Variants in L1TD1 observed in about 807,000 individuals in gnomAD.
L1TD1 encodes the protein LINE1 type transposase domain containing 1.
In L1TD1, 26 loss-of-function variants were observed where a neutral mutation model predicts 25.7. The ratio of observed to expected loss-of-function variants is 1.01; its 90% CI spans 0.74 to 1.40. L1TD1 has a LOEUF of 1.40. Among genes scored for constraint, L1TD1 ranks in the 40% most tolerant of loss-of-function variants. L1TD1 has a pLI of 0.00. For missense variants in L1TD1, 1,130 were observed against 975.0 expected (o/e 1.16, Z -2.12); for synonymous variants, 421 against 335.6 (o/e 1.25, Z -2.78).
chr1:62,203,461 G>A (rs868716416), intron 2 of L1TD1, among the ~76,000 whole-genome samples: 3 of 151,690 alleles, frequency 2.0e-5, no homozygotes, highest in African/African-American at 4.8e-5. Context: ...TCACTCTGTC[G>A]CCCGGTACAG....
At position 62,206,802 on chromosome 1, in the gene L1TD1, A is replaced by C. The variant is rs1315672819; in HGVS notation, c.174A>C (p.Leu58Phe). ...CAATTATGAATAAGTTTAAGGTCTT[A>C]ATGGAAATTCAAGACCTGATGTTTG... is the stretch of plus-strand genomic sequence containing the variant. ...VSAIMNKFKV[L>F]MEIQDLMFEE... Residue 58 changes from leucine (L) to phenylalanine (F), a missense_variant, in exon 3 of 4, where the codon TTA (leucine) becomes TTC (phenylalanine). Transcript: ENST00000498273. The C allele has an allele frequency of 6.3e-7, 1 of 1,590,010 alleles. No individual in the cohort carries two copies. Among genetic ancestry groups the C allele is most frequent in the African/African-American group, 1.3e-5 (1 of 74,610 alleles).
rs1670823801 is a variant in L1TD1, at chr1:62,209,890, A to G, written c.1116A>G (p.Lys372=). ...EVKVAKPEEM[K]NLETQEEEFS... ...AAGTTGCTAAGCCAGAGGAGATGAAAAACTTAGAGACTCAAGAGGAAGAGT... is the reference window on the plus strand; with the variant it reads ...AAGTTGCTAAGCCAGAGGAGATGAAGAACTTAGAGACTCAAGAGGAAGAGT... The change falls in exon 4 of 4, where the codon AAA becomes AAG. Residue 372 remains lysine (K), a synonymous_variant. Transcript: ENST00000498273. 6.2e-7 allele frequency: 1 copy of G among 1,614,008 alleles called. No homozygotes were observed. Among genetic ancestry groups the G allele is most frequent in the African/African-American group, 1.3e-5 (1 of 74,918 alleles).
chr1:62,196,045 A>T (rs1476195936), intron 1 of L1TD1, among the ~76,000 whole-genome samples: 3 of 152,236 alleles, frequency 2.0e-5, no homozygotes, highest in Non-Finnish European at 4.4e-5. Flanking sequence ...TCAAAAAAAA[A>T]AAAAAGTGTT....
In L1TD1 at chr1:62,210,457, A is replaced by G; in HGVS notation, c.1683A>G (p.Ser561=). ...LTLCLASPSK[S]LEMSHDEHKK... is the part of the protein sequence containing the mutation. ...TATGTTTGGCCTCTCCCTCAAAGTC[A>G]CTAGAGATGAGTCATGATGAGCATA... The change falls in exon 4 of 4, where the codon TCA becomes TCG. Residue 561 remains serine, a synonymous_variant. Coordinates refer to ENST00000498273, the MANE Select transcript of L1TD1 (RefSeq NM_019079.5). 1.2e-6 allele frequency: 2 copies of G among 1,614,190 alleles called. No individual in the cohort carries two copies. Among genetic ancestry groups the G allele is most frequent in the Non-Finnish European group, 1.7e-6 (2 of 1,180,040 alleles).
intron 2 of L1TD1, among the ~76,000 whole-genome samples, chr1:62,197,397 TTATATATATATATATATATATATA>T (rs10528649): frequency 2.5e-5 from 2 of 80,858 alleles, no homozygotes; most frequent in African/African-American, 7.9e-5. Flanking sequence ...AAAAAATAAA[TTATATATATATATATATATATATA>T]TATATATATA....
chr1:62,199,677 C>T (rs1020419603), intron 2 of L1TD1, among the ~76,000 whole-genome samples: 12 of 151,314 alleles, frequency 7.9e-5, no homozygotes, highest in Non-Finnish European at 1.5e-5. Context: ...GACCCTGTCT[C>T]TTTTAAAAAA....
In L1TD1 at chr1:62,206,603, A is replaced by C; in HGVS notation, c.-26A>C. On this transcript the variant is annotated 5_prime_UTR_variant, in exon 3 of 4. Coordinates refer to ENST00000498273, the MANE Select transcript of L1TD1 (RefSeq NM_019079.5). The stretch of plus-strand genomic sequence containing the variant: ...ATCATTCTGTAGGAATTAAAAACAG[A>C]ATCCAGTCTTGACAACATATCCACA... 1 of 1,422,722 alleles carries C rather than the reference A, an allele frequency of 7.0e-7. No individual in the cohort carries two copies. Among genetic ancestry groups the C allele is most frequent in the South Asian group, 1.8e-5 (1 of 56,856 alleles). The allele number at this position is 1,422,722 out of a possible 1,614,324, so 88.1% of individuals were successfully genotyped here. A position where few individuals can be genotyped will look rare whatever the true frequency, so the allele number is the denominator to read the frequency against.
chr1:62,199,555 G>C (rs1039989254), intron 2 of L1TD1, among the ~76,000 whole-genome samples: 1 of 150,904 alleles, frequency 6.6e-6, no homozygotes, highest in East Asian at 1.9e-4. Flanking sequence ...AAATCCCACC[G>C]TGCCCGGCTG....
chr1:62,210,859 G>A lies in L1TD1; in HGVS notation c.2085G>A (p.Glu695=). 1.3e-6 allele frequency: 2 copies of A among 1,551,162 alleles called. No homozygotes were observed. Among genetic ancestry groups the A allele is most frequent in the Non-Finnish European group, 1.7e-6 (2 of 1,146,888 alleles). The stretch of plus-strand genomic sequence containing the variant: ...AAGAAAGGCAAAGAGATATAGAGGA[G>A]AGATCTAGAAGTTGCAACATTCGTT... The part of the protein sequence containing the change: ...ISKERQRDIE[E]RSRSCNIRLI... Residue 695 remains glutamate, a synonymous_variant, in exon 4 of 4, where the codon GAG becomes GAA. Coordinates refer to ENST00000498273, the MANE Select transcript of L1TD1 (RefSeq NM_019079.5).
intron 3 of L1TD1, among the ~76,000 whole-genome samples, chr1:62,208,677 C>T (rs151092774): frequency 1.3e-5 from 2 of 152,106 alleles, no homozygotes; most frequent in African/African-American, 2.4e-5. Flanking sequence ...CGAGGTTTTG[C>T]CATGTTGCCC....
intron 2 of L1TD1, among the ~76,000 whole-genome samples, chr1:62,199,426 AG>A (rs2149098432): frequency 6.7e-6 from 1 of 150,268 alleles, no homozygotes; most frequent in Admixed American, 6.6e-5. Context: ...TGAACCCAGG[AG>A]GCAGAGTTTG....
At chr1:62,199,235 T>C (rs549908129) in intron 2 of L1TD1, among the ~76,000 whole-genome samples, 2 of 152,286 alleles carry the variant, frequency 1.3e-5, no homozygotes, top group South Asian at 2.1e-4. Context: ...CAGTGGCTCA[T>C]GTTTGTAATC....
At chr1:62,208,940 A>G (rs1231322185) in intron 3 of L1TD1, among the ~76,000 whole-genome samples, 1 of 151,108 alleles carries the variant, frequency 6.6e-6, no homozygotes, top group African/African-American at 2.5e-5. Flanking sequence ...ATTTAATCTC[A>G]GAAATTAGCT....
chr1:62,210,301 T>C lies in L1TD1; in HGVS notation c.1527T>C (p.Ile509=), dbSNP rs779449923. 17 of 1,614,002 alleles carry C rather than the reference T, an allele frequency of 1.1e-5. No homozygotes were observed. The Admixed American group carries it at 2.0e-4, about 19-fold the overall frequency. The stretch of plus-strand genomic sequence containing the variant: ...AAGCCTCACGTAGACAAAAAGAAAT[T>C]CCCTTTAGTTATTTGGTTGGGGACT... ...EKKASRRQKE[I]PFSYLVGDSG... is the part of the protein sequence containing the mutation. The change falls in exon 4 of 4, where the codon ATT becomes ATC. Residue 509 remains isoleucine, a synonymous_variant. Transcript: ENST00000498273.
intron 2 of L1TD1, among the ~76,000 whole-genome samples, chr1:62,203,014 G>A (rs1016120325): frequency 1.6e-4 from 25 of 152,094 alleles, no homozygotes; most frequent in African/African-American, 5.8e-4. Context: ...TGGAGATGAG[G>A]TCTCACTGCA....
At position 62,207,648 on chromosome 1, in the gene L1TD1, A is replaced by G; in HGVS notation, c.1008+12A>G. 7 of 1,499,430 alleles carry G rather than the reference A, an allele frequency of 4.7e-6. No homozygotes were observed. The highest frequency in any genetic ancestry group is 6.2e-6 in the Non-Finnish European group (7 of 1,124,326). The allele number at this position is 1,499,430 out of a possible 1,614,324, so 92.9% of individuals were successfully genotyped here. A position where few individuals can be genotyped will look rare whatever the true frequency, so the allele number is the denominator to read the frequency against. Reference sequence around the variant, plus strand: ...TTCAAGAAAAAAGGGTAAGCATACAAATGTATAAATGTATAAAGCTTATGT... The same window carrying G: ...TTCAAGAAAAAAGGGTAAGCATACAGATGTATAAATGTATAAAGCTTATGT... On this transcript the variant is annotated intron_variant, in intron 3 of 3. Coordinates refer to ENST00000498273, the MANE Select transcript of L1TD1 (RefSeq NM_019079.5).
chr1:62,209,750 A>T, intron 3 of L1TD1, 33 bp from the exon 4 acceptor site: 1 of 1,407,016 alleles, frequency 7.1e-7, no homozygotes, highest in Non-Finnish European at 9.6e-7. Flanking sequence ...TTAAACAAAT[A>T]ACTCTTTTTT....
intron 2 of L1TD1, among the ~76,000 whole-genome samples, chr1:62,203,247 ATTTC>A (rs143772793): frequency 0.32 from 48,727 of 151,830 alleles, 8,987 homozygotes; most frequent in Non-Finnish European, 0.43. Context: ...AACATTTATC[ATTTC>A]TTCTTGTTAC....
intron 2 of L1TD1, among the ~76,000 whole-genome samples, chr1:62,202,669 ATTTTTTTTTT>A (rs35815437): frequency 2.8e-5 from 2 of 71,868 alleles, no homozygotes; most frequent in Non-Finnish European, 5.1e-5. Flanking sequence ...CCAGGGTTTA[ATTTTTTTTTT>A]TTTTTTTTTT....
Sources: allele counts gnomAD v4.1 joint callset (sites outside exome capture counted in the v4.1 genomes callset), GRCh38; gene constraint gnomAD v4.1.1; transcripts MANE v1.5; gene names NCBI Gene and HGNC (gene_info 2026-07-23, HGNC 2026-07-21).